RLN2: variants seen among roughly 807,000 people sequenced by gnomAD.
RLN2 encodes the protein prorelaxin H2.
A neutral mutation model predicts 7.3 loss-of-function variants in RLN2; 10 were observed. That is an observed-to-expected ratio of 1.36 (90% CI 0.84 to 2.31). The LOEUF is 2.31. Ranked by LOEUF, RLN2 falls within the 30% of genes most tolerant of loss-of-function variation. RLN2 has a pLI of 0.00. For missense variants in RLN2, 298 were observed against 217.6 expected, an observed-to-expected ratio of 1.37 and a Z score of -2.32; for synonymous variants, 103 against 82.3, an observed-to-expected ratio of 1.25 and a Z score of -1.36.
the RLN2 span, among the ~76,000 whole-genome samples, chr9:5,334,503 T>C: frequency 6.6e-6 from 1 of 152,032 alleles, no homozygotes; most frequent in African/African-American, 2.4e-5. Context: ...ATTTCAGTAA[T>C]TTTGCTTACA....
chr9:5,301,183 T>C (rs1484132765), intron 1 of RLN2, among the ~76,000 whole-genome samples: 3 of 152,208 alleles, frequency 2.0e-5, no homozygotes, highest in Non-Finnish European at 4.4e-5. Flanking sequence ...TTGATATTTG[T>C]TCCAAAGCTG....
the RLN2 span, among the ~76,000 whole-genome samples, chr9:5,336,290 A>G: frequency 6.6e-6 from 1 of 152,090 alleles, no homozygotes; most frequent in Admixed American, 6.5e-5. Flanking sequence ...GAAGAGATTC[A>G]TATGTGCTGT....
the RLN2 span, among the ~76,000 whole-genome samples, chr9:5,328,323 T>C: frequency 2.0e-5 from 3 of 151,852 alleles, no homozygotes; most frequent in African/African-American, 7.3e-5. Flanking sequence ...TGATTGAAGA[T>C]CAAATTAATG....
At chr9:5,312,308 G>A in the RLN2 span, among the ~76,000 whole-genome samples, 2 of 151,958 alleles carry the variant, frequency 1.3e-5, no homozygotes, top group South Asian at 2.1e-4. Flanking sequence ...CATCTATTGG[G>A]ACCTGACCCC....
the RLN2 span, chr9:5,335,526 G>A: frequency 1.9e-6 from 3 of 1,612,910 alleles, no homozygotes; most frequent in Non-Finnish European, 2.5e-6. Context: ...AGCTCCGGTG[G>A]CAAATTAGCA....
the RLN2 span, among the ~76,000 whole-genome samples, chr9:5,317,373 A>G: frequency 6.6e-6 from 1 of 151,364 alleles, no homozygotes; most frequent in Non-Finnish European, 1.5e-5. Flanking sequence ...AATTGCTTGA[A>G]CCCAGGAGGC....
At chr9:5,330,574 C>G in the RLN2 span, among the ~76,000 whole-genome samples, 2 of 142,472 alleles carry the variant, frequency 1.4e-5, no homozygotes, top group Non-Finnish European at 3.0e-5. Flanking sequence ...GGAGGCAGAG[C>G]TTGCAGTGAG....
the RLN2 span, among the ~76,000 whole-genome samples, chr9:5,333,781 G>A: frequency 6.6e-6 from 1 of 151,870 alleles, no homozygotes; most frequent in Non-Finnish European, 1.5e-5. Context: ...ATAAACACTG[G>A]CAAGCAAAAT....
chr9:5,327,992 A>G, the RLN2 span, among the ~76,000 whole-genome samples: 2 of 152,036 alleles, frequency 1.3e-5, no homozygotes, highest in South Asian at 4.2e-4. Flanking sequence ...TCCAAAAAAC[A>G]GAGCACCACT....
chr9:5,335,499 CAGAT>C, the RLN2 span: 2 of 1,613,192 alleles, frequency 1.2e-6, no homozygotes, highest in Non-Finnish European at 8.5e-7. Context: ...GGTTGCCTCT[CAGAT>C]AGGGCTGCCT....
At chr9:5,305,127 A>G (rs1346513046), upstream of RLN2, among the ~76,000 whole-genome samples, 4 of 151,998 alleles carry the variant, frequency 2.6e-5, no homozygotes, top group African/African-American at 9.7e-5. Context: ...ATGGATGAAT[A>G]AATAAATTGT....
the RLN2 span, among the ~76,000 whole-genome samples, chr9:5,337,313 T>C: frequency 1.3e-5 from 2 of 152,102 alleles, no homozygotes; most frequent in Admixed American, 1.3e-4. Flanking sequence ...ATTCAGTTTA[T>C]TCATAGGCTG....
intron 1 of RLN2, 101 bp from the exon 2 acceptor site, chr9:5,300,545 AGT>A (rs1816097251): frequency 1.3e-6 from 1 of 753,458 alleles, no homozygotes; most frequent in Non-Finnish European, 2.1e-6. Flanking sequence ...GCATTGCCTC[AGT>A]ATAAATTAAA....
At chr9:5,317,168 T>A in the RLN2 span, among the ~76,000 whole-genome samples, 1 of 151,798 alleles carries the variant, frequency 6.6e-6, no homozygotes, top group African/African-American at 2.4e-5. Flanking sequence ...ATCTATAAAA[T>A]AACCAGAAAA....
chr9:5,304,463 C>A lies in RLN2; in HGVS notation c.118G>T (p.Val40Phe), dbSNP rs753957891. 2.5e-6 allele frequency: 4 copies of A among 1,613,378 alleles called. No homozygotes were observed. The highest frequency in any genetic ancestry group is 3.4e-6 in the Non-Finnish European group (4 of 1,179,866). The change falls in exon 1 of 2, where the codon GTT becomes TTT. Residue 40 changes from valine to phenylalanine, a missense_variant. Coordinates refer to ENST00000381627, the MANE Select transcript of RLN2 (RefSeq NM_134441.3). ...CCGCAAATGGCAATCTGCGCGCGAA[C>A]TAATTCGCGGCCGCATAATTTAATA... The part of the protein sequence containing the change: ...EVIKLCGREL[V>F]RAQIAICGMS...
chr9:5,331,298 A>G, the RLN2 span, among the ~76,000 whole-genome samples: 1 of 151,976 alleles, frequency 6.6e-6, no homozygotes, highest in Non-Finnish European at 1.5e-5. Context: ...AAAAAAAGAG[A>G]TTTTAGGCCA....
the RLN2 span, among the ~76,000 whole-genome samples, chr9:5,337,460 T>C: frequency 6.6e-6 from 1 of 152,088 alleles, no homozygotes; most frequent in Non-Finnish European, 1.5e-5. Context: ...CTTAATTCAC[T>C]GTATTTTGGA....
At chr9:5,336,512 A>C in the RLN2 span, among the ~76,000 whole-genome samples, 1 of 152,092 alleles carries the variant, frequency 6.6e-6, no homozygotes, top group Middle Eastern at 3.2e-3. Context: ...AGCTCCGTTG[A>C]ACATTCATTA....
the RLN2 span, among the ~76,000 whole-genome samples, chr9:5,330,126 A>G: frequency 5.3e-5 from 8 of 152,180 alleles, no homozygotes; most frequent in African/African-American, 1.9e-4. Context: ...CTGCACAACT[A>G]CATGGAAACT....
Sources: gnomAD v4.1 joint callset for allele counts (sites outside exome capture counted in the v4.1 genomes callset) on GRCh38, gnomAD v4.1.1 for gene constraint, MANE v1.5 for transcripts, NCBI Gene and HGNC (gene_info 2026-07-23, HGNC 2026-07-21) for gene names.